The following PEX2 variants were observed in gnomAD, a reference collection of about 807,000 sequenced individuals.
PEX2 encodes the protein peroxisome biogenesis factor 2.
A neutral mutation model predicts 25.2 loss-of-function variants in PEX2; 19 were observed. The ratio of observed to expected loss-of-function variants is 0.75; its 90% CI spans 0.53 to 1.10. The LOEUF is 1.10. Ranked by LOEUF, PEX2 falls within the 50% of genes least tolerant of loss-of-function variation. The pLI, the probability that PEX2 is intolerant of heterozygous loss-of-function variation, is 0.00. For missense variants in PEX2, 347 were observed against 350.6 expected, an observed-to-expected ratio of 0.99 and a Z score of 0.08; for synonymous variants, 141 against 127.7, an observed-to-expected ratio of 1.10 and a Z score of -0.70.
chr8:76,981,449 T>C lies in PEX2; in HGVS notation c.*1812A>G, dbSNP rs1350595208. On this transcript the variant is annotated 3_prime_UTR_variant, in exon 4 of 4. Coordinates refer to ENST00000357039, the MANE Select transcript of PEX2 (RefSeq NM_000318.3). ...CTGCACTCCAACCTGGGTGACTGGG[T>C]GAGGCCCTTTCTCACCAAAAACAAA... 3.3e-5 allele frequency: 5 copies of C among 152,220 alleles called. No homozygotes were observed. Among genetic ancestry groups the C allele is most frequent in the Non-Finnish European group, 2.9e-5 (2 of 68,020 alleles). 9.4% of individuals were successfully genotyped at this position (152,220 alleles called of 1,614,324 possible). A position where few individuals can be genotyped will look rare whatever the true frequency, so the allele number is the denominator to read the frequency against.
intron 1 of PEX2, among the ~76,000 whole-genome samples, chr8:76,990,370 T>C (rs1167325735): frequency 1.3e-5 from 2 of 152,226 alleles, no homozygotes; most frequent in Non-Finnish European, 2.9e-5. Context: ...AGGATCACTT[T>C]TAATTTCCTT....
Position 76,983,237 on chromosome 8 carries a change from C to T in PEX2, c.*24G>A, listed in dbSNP as rs1161738121. The T allele has an allele frequency of 1.2e-6, 2 of 1,606,850 alleles. No homozygotes were observed. Among genetic ancestry groups the T allele is most frequent in the Non-Finnish European group, 1.7e-6 (2 of 1,179,490 alleles). ...GAATTTAAACACGGTGCATTTTTTT[C>T]CTCAAAGGAAGCAATTTTAGTTTCT... On this transcript the variant is annotated 3_prime_UTR_variant, in exon 4 of 4. Coordinates refer to ENST00000357039, the MANE Select transcript of PEX2 (RefSeq NM_000318.3).
At position 76,983,725 on chromosome 8, in the gene PEX2, T is replaced by C; in HGVS notation, c.454A>G (p.Ile152Val). ...VIGLLKLGGL[I>V]NFLIFLQRGK... The stretch of plus-strand genomic sequence containing the variant: ...CTCTGAAGGAAAATCAAAAAATTAA[T>C]CAGCCCACCTAATTTCAAAAGTCCA... The change falls in exon 4 of 4, where the codon ATT becomes GTT. Residue 152 changes from isoleucine to valine, a missense_variant. Ile to Val is a conservative substitution (Grantham distance 29). Coordinates refer to ENST00000357039, the MANE Select transcript of PEX2 (RefSeq NM_000318.3). 1 of 1,614,050 alleles carries C rather than the reference T, an allele frequency of 6.2e-7. No individual in the cohort carries two copies. Among genetic ancestry groups the C allele is most frequent in the Non-Finnish European group, 8.5e-7 (1 of 1,180,008 alleles).
At chr8:76,999,840 T>G (rs1177597159) in intron 1 of PEX2, 150 bp downstream of exon 1, 1 of 456,620 alleles carries the variant, frequency 2.2e-6, no homozygotes, top group South Asian at 1.5e-5. Context: ...ATTCAGCAGC[T>G]TTGATTTGCC....
At chr8:76,988,822 C>T (rs540530379) in intron 1 of PEX2, among the ~76,000 whole-genome samples, 1 of 152,212 alleles carries the variant, frequency 6.6e-6, no homozygotes, top group East Asian at 1.9e-4. Context: ...AAATCCTTTG[C>T]TATCTTTTCA....
chr8:76,984,278 T>G (rs1251218152), intron 3 of PEX2, 83 bp from the exon 4 acceptor site: 3 of 1,032,668 alleles, frequency 2.9e-6, no homozygotes, highest in Non-Finnish European at 4.5e-6. Flanking sequence ...GAAACTGTCA[T>G]ACACAAATTA....
At chr8:77,000,524 G>A (rs886184042), upstream of PEX2, among the ~76,000 whole-genome samples, 1 of 152,344 alleles carries the variant, frequency 6.6e-6, no homozygotes, top group South Asian at 2.1e-4. Flanking sequence ...GAGGAGGACC[G>A]GCTGAGGGAT....
intron 1 of PEX2, 95 bp downstream of exon 1, chr8:76,999,895 A>C (rs770329389): frequency 6.6e-6 from 3 of 456,528 alleles, no homozygotes; most frequent in Admixed American, 2.3e-5. Context: ...AAAAAAAGCA[A>C]ACGGCGACAA....
chr8:76,998,430 T>C (rs1335680652), intron 1 of PEX2, among the ~76,000 whole-genome samples: 4 of 152,194 alleles, frequency 2.6e-5, no homozygotes, highest in Admixed American at 2.0e-4. Context: ...TCTAATTCTG[T>C]TCATAAAGAA....
In PEX2 at chr8:76,983,982, C is replaced by G. The variant is rs1473066254; in HGVS notation, c.197G>C (p.Arg66Thr). 1 of 1,613,980 alleles carries G rather than the reference C, an allele frequency of 6.2e-7. No individual in the cohort carries two copies. The highest frequency in any genetic ancestry group is 8.5e-7 in the Non-Finnish European group (1 of 1,180,012). Residue 66 changes from arginine to threonine, a missense_variant, in exon 4 of 4, where the codon AGA becomes ACA. By Grantham distance (71) the Arg-to-Thr change is moderately conservative (BLOSUM62 -1). Transcript: ENST00000357039. ...GGCATTTTTGGAGTAGATGGTGAAT[C>G]TCCACAAGAAAACCCATAAGCACGC... ...VKACLWVFLW[R>T]FTIYSKNATV...
chr8:76,989,007 TAAAAA>T lies in PEX2; in HGVS notation c.-159-674_-159-670del, dbSNP rs56178165. The stretch of plus-strand genomic sequence containing the variant: ...AGGGAGACACTGTCTCTACAAAAAC[TAAAAA>T]AAAAAAAAAAAAAAATTAGCCAGGC... On this transcript the variant is annotated intron_variant, in intron 1 of 3. Transcript: ENST00000357039. Among the ~76,000 whole-genome samples the T allele has an allele frequency of 6.9e-5, 9 of 129,880 alleles. No individual in the cohort carries two copies. In the East Asian group the frequency reaches 2.0e-3, roughly 29 times the overall value. The allele number at this position is 129,880 out of a possible 152,430, so 85.2% of individuals were successfully genotyped here.
At chr8:76,991,685 A>T (rs979332688) in intron 1 of PEX2, among the ~76,000 whole-genome samples, 1 of 152,168 alleles carries the variant, frequency 6.6e-6, no homozygotes, top group African/African-American at 2.4e-5. Flanking sequence ...GAGTGGAAAA[A>T]GCAGATTTAA....
chr8:76,992,194 G>C (rs1261294924), intron 1 of PEX2, among the ~76,000 whole-genome samples: 2 of 152,188 alleles, frequency 1.3e-5, no homozygotes, highest in African/African-American at 4.8e-5. Flanking sequence ...ATATGACACA[G>C]TGTGGATAGA....
intron 1 of PEX2, among the ~76,000 whole-genome samples, chr8:76,999,521 T>C (rs1461740113): frequency 6.6e-6 from 1 of 152,200 alleles, no homozygotes; most frequent in Non-Finnish European, 1.5e-5. Flanking sequence ...AAAACCAAAC[T>C]GCATTTACGT....
chr8:76,993,835 G>A (rs561054091), intron 1 of PEX2, among the ~76,000 whole-genome samples: 1 of 152,042 alleles, frequency 6.6e-6, no homozygotes, highest in Non-Finnish European at 1.5e-5. Context: ...ACCCAGGGGA[G>A]GGGAGAGAGA....
chr8:76,997,947 G>A (rs13251576), intron 1 of PEX2, among the ~76,000 whole-genome samples: 5,176 of 152,218 alleles, frequency 0.034, 132 homozygotes, highest in Middle Eastern at 0.14. Flanking sequence ...TTCTCCTGAG[G>A]TTTCTTGTAC....
chr8:76,985,427 A>C (rs897213169), intron 3 of PEX2, among the ~76,000 whole-genome samples: 4 of 152,132 alleles, frequency 2.6e-5, no homozygotes, highest in African/African-American at 9.7e-5. Flanking sequence ...GTTTCTTTGA[A>C]ATTTGCCAAG....
intron 1 of PEX2, among the ~76,000 whole-genome samples, chr8:76,995,545 T>A (rs1338678018): frequency 2.0e-5 from 3 of 152,100 alleles, no homozygotes; most frequent in Non-Finnish European, 1.5e-5. Context: ...CAACTCAAGA[T>A]TATATTGAGT....
intron 1 of PEX2, among the ~76,000 whole-genome samples, chr8:76,990,287 CT>C (rs1484042317): frequency 1.3e-5 from 2 of 151,622 alleles, no homozygotes; most frequent in African/African-American, 4.8e-5. Flanking sequence ...GATCTTCTAT[CT>C]AGACCACTAA....
Sources: allele counts gnomAD v4.1 joint callset (sites outside exome capture counted in the v4.1 genomes callset), GRCh38; gene constraint gnomAD v4.1.1; transcripts MANE v1.5; gene names NCBI Gene and HGNC (gene_info 2026-07-23, HGNC 2026-07-21).